Variants in CACNA1B observed in about 807,000 individuals in gnomAD.
CACNA1B encodes the protein calcium voltage-gated channel subunit alpha1 B.
CACNA1B carries 70 observed loss-of-function variants against 247.2 expected under a neutral mutation model. That is an observed-to-expected ratio of 0.28 (90% CI 0.23 to 0.35). CACNA1B has a LOEUF of 0.35. Among genes scored for constraint, CACNA1B ranks in the 10% least tolerant of loss-of-function variants. The pLI, the probability that CACNA1B is intolerant of heterozygous loss-of-function variation, is 1.00. For missense variants in CACNA1B, 2,367 were observed against 3,197.4 expected, an observed-to-expected ratio of 0.74 and a Z score of 6.26; for synonymous variants, 1,231 against 1,294.4, an observed-to-expected ratio of 0.95 and a Z score of 1.05.
chr9:137,894,302 A>ATTTT (rs56794355), intron 3 of CACNA1B, among the ~76,000 whole-genome samples: 29 of 96,046 alleles, frequency 3.0e-4, no homozygotes, highest in African/African-American at 6.4e-4. Context: ...TTGTCTCTGT[A>ATTTT]TTTTTTTTTT....
At chr9:138,066,908 CAA>C (rs1427583184) in intron 31 of CACNA1B, among the ~76,000 whole-genome samples, 1 of 151,932 alleles carries the variant, frequency 6.6e-6, no homozygotes, top group African/African-American at 2.4e-5. Flanking sequence ...AAGTGGAAAA[CAA>C]AGACTAGAGA....
intron 20 of CACNA1B, among the ~76,000 whole-genome samples, chr9:138,036,170 C>G (rs1011794026): frequency 6.6e-6 from 1 of 151,724 alleles, no homozygotes; most frequent in African/African-American, 2.4e-5. Context: ...GACGGAGTCT[C>G]GCTCTGTCGC....
intron 25 of CACNA1B, 75 bp from the exon 26 acceptor site, chr9:138,053,771 A>G: frequency 1.1e-6 from 1 of 930,436 alleles, no homozygotes; most frequent in Non-Finnish European, 1.5e-6. Context: ...CCGTGACCCT[A>G]CCCTTCCCCC....
intron 3 of CACNA1B, among the ~76,000 whole-genome samples, chr9:137,889,317 G>A (rs1229321344): frequency 4.0e-5 from 6 of 150,220 alleles, no homozygotes; most frequent in African/African-American, 1.5e-4. Context: ...GGGTCGGGCT[G>A]GGGTTTGCCA....
chr9:137,894,538 A>G (rs139492853), intron 3 of CACNA1B, among the ~76,000 whole-genome samples: 4 of 151,966 alleles, frequency 2.6e-5, no homozygotes, highest in Admixed American at 2.0e-4. Context: ...CCTCCCGAGT[A>G]GCTGGGACTG....
chr9:137,949,276 G>A lies in CACNA1B; in HGVS notation c.967-2998G>A, dbSNP rs1342325319. ...TGTGTGGTGCGTGTGTGTGTCTGGT[G>A]TGTGTGTTTGCGTGTCCTTTGTGTC... On this transcript the variant is annotated intron_variant, in intron 6 of 46. Coordinates refer to ENST00000371372, the MANE Select transcript of CACNA1B (RefSeq NM_000718.4). Among the ~76,000 whole-genome samples the A allele has an allele frequency of 3.1e-4, 5 of 16,094 alleles. No individual in the cohort carries two copies. In the Admixed American group the frequency reaches 4.2e-3, roughly 14 times the overall value. The allele number at this position is 16,094 out of a possible 152,430, so 10.6% of individuals were successfully genotyped here.
rs747908928 is a variant in CACNA1B at position 137,899,652 on chromosome 9, C to G, written c.531-13528C>G. On this transcript the variant is annotated intron_variant, in intron 3 of 46. Coordinates refer to ENST00000371372, the MANE Select transcript of CACNA1B (RefSeq NM_000718.4). This position sits in a 1 kb window ranked among gnomAD's most constrained non-coding sequence, Gnocchi z 5.0. ...TCTTTGGCCGAGAACTGCCGGCTCT[C>G]TCCATGGCAACTGCAAGCAGGCTTC... Among the ~76,000 whole-genome samples the G allele has an allele frequency of 2.0e-5, 3 of 152,210 alleles. No individual in the cohort carries two copies. Among genetic ancestry groups the G allele is most frequent in the Non-Finnish European group, 4.4e-5 (3 of 68,036 alleles).
At chr9:137,906,794 T>C (rs1303581855) in intron 3 of CACNA1B, among the ~76,000 whole-genome samples, 4 of 151,888 alleles carry the variant, frequency 2.6e-5, no homozygotes, top group Non-Finnish European at 1.5e-5. Flanking sequence ...TTCCTCTGCA[T>C]GCCATGTGAT....
chr9:138,025,609 T>G (rs1315852455), intron 20 of CACNA1B, among the ~76,000 whole-genome samples: 1 of 152,244 alleles, frequency 6.6e-6, no homozygotes, highest in Non-Finnish European at 1.5e-5. Context: ...CCACTGCGTC[T>G]GCCCATTTGT....
chr9:137,939,977 G>A (rs1957714227), intron 6 of CACNA1B, among the ~76,000 whole-genome samples: 2 of 151,906 alleles, frequency 1.3e-5, no homozygotes, highest in Admixed American at 1.3e-4. Context: ...AAGTCTGAAC[G>A]AGCACAAACA....
chr9:138,024,893 C>T (rs1958901151), intron 19 of CACNA1B, 62 bp from the exon 20 acceptor site: 11 of 1,212,534 alleles, frequency 9.1e-6, no homozygotes, highest in South Asian at 2.6e-5. Flanking sequence ...CTCTGCCTCC[C>T]GGTGCCGGGA....
At chr9:138,083,236 C>T (rs1013843578) in intron 36 of CACNA1B, among the ~76,000 whole-genome samples, 14 of 150,810 alleles carry the variant, frequency 9.3e-5, no homozygotes, top group Non-Finnish European at 1.8e-4. Flanking sequence ...CTGGAGTAGC[C>T]GCAGCTTCCC....
At chr9:138,003,789 T>TAC (rs2133407936) in intron 15 of CACNA1B, among the ~76,000 whole-genome samples, 1 of 143,480 alleles carries the variant, frequency 7.0e-6, no homozygotes, top group African/African-American at 2.7e-5. Context: ...TTTTTTTTTT[T>TAC]TTTTTTTTTT....
intron 44 of CACNA1B, among the ~76,000 whole-genome samples, chr9:138,119,155 A>T (rs537644472): frequency 6.6e-6 from 1 of 151,858 alleles, no homozygotes; most frequent in Admixed American, 6.5e-5. Context: ...AATTTCACCG[A>T]CACCTCAGTC....
rs1959641234 is a variant in CACNA1B at position 138,059,517 on chromosome 9, TGG to T, written c.4585-134_4585-133del. ...ACCTCTGGCCTTGTGCTGTGCCCCC[TGG>T]GGTGGCCTGTCTGCCCTGTGCTCAG... On this transcript the variant is annotated intron_variant, in intron 30 of 46. Coordinates refer to ENST00000371372, the MANE Select transcript of CACNA1B (RefSeq NM_000718.4). The surrounding 1 kb of genome is among the most constrained non-coding windows in gnomAD (Gnocchi z 4.2). The T allele has an allele frequency of 4.5e-6, 3 of 665,436 alleles. No individual in the cohort carries two copies. The allele number at this position is 665,436 out of a possible 1,614,324, so 41.2% of individuals were successfully genotyped here. A position where few individuals can be genotyped will look rare whatever the true frequency, so the allele number is the denominator to read the frequency against.
intron 6 of CACNA1B, among the ~76,000 whole-genome samples, chr9:137,940,977 G>C (rs1230421034): frequency 6.6e-6 from 1 of 152,136 alleles, no homozygotes. Flanking sequence ...GGGAAAAGTT[G>C]AAAGCATTCC....
At chr9:137,897,046 T>G (rs1041032303) in intron 3 of CACNA1B, among the ~76,000 whole-genome samples, 2 of 152,340 alleles carry the variant, frequency 1.3e-5, no homozygotes, top group African/African-American at 4.8e-5. Context: ...CCGGTCAGTC[T>G]TGCTGGAAAT....
intron 39 of CACNA1B, among the ~76,000 whole-genome samples, chr9:138,107,094 C>T (rs1961453273): frequency 6.6e-6 from 1 of 152,150 alleles, no homozygotes; most frequent in Non-Finnish European, 1.5e-5. Context: ...CCTTTATCAT[C>T]TCACCTATTC....
rs141835739 is a variant in CACNA1B at position 138,003,006 on chromosome 9, C to T, written c.1975-3761C>T. Reference sequence around the variant, plus strand: ...AGTAGACAGGGTTTCACTGTGTTGGCCAGGCTGGTCTTGAACTCCTGACCT... The same window carrying T: ...AGTAGACAGGGTTTCACTGTGTTGGTCAGGCTGGTCTTGAACTCCTGACCT... On this transcript the variant is annotated intron_variant, in intron 15 of 46. Transcript: ENST00000371372. 8.3e-3 allele frequency among the ~76,000 whole-genome samples: 1,266 copies of T among 151,668 alleles called. 67 individuals are homozygous for T. In the East Asian group the frequency reaches 0.15, roughly 18 times the overall value.
Sources: gnomAD v4.1 joint callset for allele counts (sites outside exome capture counted in the v4.1 genomes callset) on GRCh38, gnomAD v4.1.1 for gene constraint, Gnocchi (gnomAD v3.1) non-coding constraint, MANE v1.5 for transcripts, NCBI Gene and HGNC (gene_info 2026-07-23, HGNC 2026-07-21) for gene names.